PID1: variants seen among roughly 807,000 people sequenced by gnomAD.
PID1 encodes the protein phosphotyrosine interaction domain containing 1, also known as PTB-containing, cubilin and LRP1-interacting protein.
Under a neutral mutation model 19.1 loss-of-function variants are expected in PID1, and 10 were observed. The ratio of observed to expected loss-of-function variants is 0.52; its 90% CI spans 0.32 to 0.89. PID1 has a LOEUF of 0.89. Among genes scored for constraint, PID1 ranks in the 40% least tolerant of loss-of-function variants. The pLI is 0.03. For synonymous variants in PID1, 130 were observed against 116.0 expected (o/e 1.12, Z -0.78); for missense variants, 248 against 285.3 (o/e 0.87, Z 0.94).
chr2:229,162,618 C>T lies in PID1; in HGVS notation c.31-6654G>A, dbSNP rs989132905. Among the ~76,000 whole-genome samples the T allele has an allele frequency of 2.0e-5, 3 of 152,132 alleles. No homozygotes were observed. In the East Asian group the frequency reaches 5.8e-4, roughly 29 times the overall value. On this transcript the variant is annotated intron_variant, in intron 1 of 2. Transcript: ENST00000392055. ...AACCACAAGGAACAATTGGGTGAAT[C>T]AGATTAATGGAAAACTTCAGTCCAA...
At chr2:229,084,264 T>G (rs909335423) in intron 2 of PID1, among the ~76,000 whole-genome samples, 1 of 152,210 alleles carries the variant, frequency 6.6e-6, no homozygotes, top group African/African-American at 2.4e-5. Flanking sequence ...TTCTTGCTAT[T>G]GGCCACCTCC....
At chr2:229,128,792 T>TA (rs1251398803) in intron 2 of PID1, among the ~76,000 whole-genome samples, 1 of 151,984 alleles carries the variant, frequency 6.6e-6, no homozygotes, top group Admixed American at 6.6e-5. Flanking sequence ...AATTAATGGG[T>TA]AAAAAAATAG....
At chr2:229,227,784 G>A (rs370367511) in intron 1 of PID1, among the ~76,000 whole-genome samples, 4 of 152,146 alleles carry the variant, frequency 2.6e-5, no homozygotes, top group South Asian at 2.1e-4. Flanking sequence ...AAAATTGCAC[G>A]TGTACTGAAC....
chr2:229,149,360 G>T (rs1690200590), intron 2 of PID1, among the ~76,000 whole-genome samples: 1 of 152,152 alleles, frequency 6.6e-6, no homozygotes, highest in African/African-American at 2.4e-5. Context: ...GTAGAAATCA[G>T]ATACATGTGA....
At chr2:229,200,295 G>A (rs6736122) in intron 1 of PID1, among the ~76,000 whole-genome samples, 39,924 of 151,816 alleles carry the variant, frequency 0.26, 5,639 homozygotes, top group Non-Finnish European at 0.32. Flanking sequence ...TTCTTCAGAG[G>A]AGCCAATCAA....
At chr2:229,181,622 C>T (rs1052310416) in intron 1 of PID1, among the ~76,000 whole-genome samples, 5 of 152,198 alleles carry the variant, frequency 3.3e-5, no homozygotes, top group African/African-American at 1.2e-4. Flanking sequence ...TACTGATAAT[C>T]AAAAGATCCA....
chr2:229,028,433 T>C (rs7594377), intron 2 of PID1, among the ~76,000 whole-genome samples: 27,841 of 152,216 alleles, frequency 0.18, 2,991 homozygotes, highest in African/African-American at 0.29. Flanking sequence ...TAAATTGTGG[T>C]GTTTACGCAC....
At chr2:229,185,111 A>G (rs1454404144) in intron 1 of PID1, among the ~76,000 whole-genome samples, 3 of 148,966 alleles carry the variant, frequency 2.0e-5, no homozygotes, top group Non-Finnish European at 4.4e-5. Context: ...TCCTATATAT[A>G]TCCCATATAT....
intron 2 of PID1, among the ~76,000 whole-genome samples, chr2:229,037,143 T>TA (rs1297978910): frequency 2.9e-4 from 44 of 152,298 alleles, no homozygotes; most frequent in African/African-American, 1.1e-3. Flanking sequence ...AGGCTAAAAA[T>TA]ATTGAGAAAA....
At chr2:229,169,102 T>C (rs1307177298) in intron 1 of PID1, among the ~76,000 whole-genome samples, 3 of 152,240 alleles carry the variant, frequency 2.0e-5, no homozygotes, top group Admixed American at 6.5e-5. Flanking sequence ...TGAGTTAGTA[T>C]AAACTCTCCT....
intron 2 of PID1, among the ~76,000 whole-genome samples, chr2:229,092,282 T>C (rs1014990509): frequency 6.6e-6 from 1 of 152,162 alleles, no homozygotes; most frequent in Non-Finnish European, 1.5e-5. Context: ...CATCGCAGCA[T>C]GACTGTAAGA....
intron 1 of PID1, among the ~76,000 whole-genome samples, chr2:229,185,865 C>T (rs62190435): frequency 0.099 from 15,084 of 152,198 alleles, 987 homozygotes; most frequent in South Asian, 0.25. Flanking sequence ...ATCATGTCTT[C>T]CCAACAGTCC....
At chr2:229,216,704 C>A (rs1216887359) in intron 1 of PID1, among the ~76,000 whole-genome samples, 1 of 151,754 alleles carries the variant, frequency 6.6e-6, no homozygotes. Context: ...GGAAATAAAC[C>A]AGAAATAAAA....
intron 1 of PID1, among the ~76,000 whole-genome samples, chr2:229,180,556 C>T (rs2159723): frequency 0.11 from 16,323 of 152,180 alleles, 1,137 homozygotes; most frequent in East Asian, 0.4. Flanking sequence ...TTTCCATGAT[C>T]CACCACAGAC....
intron 2 of PID1, among the ~76,000 whole-genome samples, chr2:229,028,384 G>A (rs1693471506): frequency 6.6e-6 from 1 of 152,174 alleles, no homozygotes; most frequent in African/African-American, 2.4e-5. Flanking sequence ...CACTATCTCA[G>A]CCACTCATGT....
At chr2:229,082,250 A>G (rs1694682942) in intron 2 of PID1, among the ~76,000 whole-genome samples, 1 of 152,234 alleles carries the variant, frequency 6.6e-6, no homozygotes. Context: ...TGTTGCATGG[A>G]GAAATGCACA....
At chr2:229,139,057 G>A (rs797000980) in intron 2 of PID1, among the ~76,000 whole-genome samples, 478 of 45,506 alleles carry the variant, frequency 0.011, 21 homozygotes, top group Non-Finnish European at 0.017. Flanking sequence ...AAGAAAGAAA[G>A]AGAAAGAAAG....
chr2:229,082,048 G>A (rs1694678386), intron 2 of PID1, among the ~76,000 whole-genome samples: 1 of 152,136 alleles, frequency 6.6e-6, no homozygotes, highest in Non-Finnish European at 1.5e-5. Flanking sequence ...TAAAACCTCA[G>A]TATTCTTTAA....
chr2:229,175,886 C>T (rs907498414), intron 1 of PID1, among the ~76,000 whole-genome samples: 13 of 152,174 alleles, frequency 8.5e-5, no homozygotes, highest in African/African-American at 2.7e-4. Context: ...CTAAGATTCG[C>T]AGTTACTAGA....
Sources: allele counts gnomAD v4.1 joint callset (sites outside exome capture counted in the v4.1 genomes callset), GRCh38; gene constraint gnomAD v4.1.1; transcripts MANE v1.5; gene names NCBI Gene and HGNC (gene_info 2026-07-23, HGNC 2026-07-21).